STK33: variants seen among roughly 807,000 people sequenced by gnomAD.
STK33 encodes the protein serine/threonine kinase 33.
STK33 carries 52 observed loss-of-function variants against 58.0 expected under a neutral mutation model. That is an observed-to-expected ratio of 0.90 (90% CI 0.72 to 1.13). The LOEUF is 1.13. Among genes scored for constraint, STK33 ranks in the 50% most tolerant of loss-of-function variants. The pLI, the probability that STK33 is intolerant of heterozygous loss-of-function variation, is 0.00. For synonymous variants in STK33, 215 were observed against 200.1 expected (o/e 1.07, Z -0.63); for missense variants, 630 against 604.2 (o/e 1.04, Z -0.45).
intron 1 of STK33, among the ~76,000 whole-genome samples, chr11:8,550,389 C>T (rs1290259558): frequency 6.6e-6 from 1 of 152,104 alleles, no homozygotes; most frequent in Non-Finnish European, 1.5e-5. Context: ...TTGTGATCCA[C>T]CCGCCTCAGC....
At chr11:8,482,703 T>C (rs1201143316) in intron 1 of STK33, among the ~76,000 whole-genome samples, 3 of 151,988 alleles carry the variant, frequency 2.0e-5, no homozygotes, top group Non-Finnish European at 4.4e-5. Flanking sequence ...GCAGTAACTA[T>C]CTTTTTTATT....
chr11:8,461,805 C>A lies in STK33; in HGVS notation c.558G>T (p.Lys186Asn). ...IHLEQVFETP[K>N]KMYLVMELCE... ...AATGCAGCGCCTAATAGAGGTTTAC[C>A]TTTGGCGTTTCAAATACTTGTTCCA... The change falls in exon 8 of 16, where the codon AAG (lysine) becomes AAT (asparagine). Residue 186 changes from lysine to asparagine, a missense_variant and splice_region_variant. By Grantham distance (94) the Lys-to-Asn change is moderately conservative. Coordinates refer to ENST00000687296, the MANE Select transcript of STK33 (RefSeq NM_001352389.2). 6.4e-7 allele frequency: 1 copy of A among 1,574,260 alleles called. No homozygotes were observed. The highest frequency in any genetic ancestry group is 8.6e-7 in the Non-Finnish European group (1 of 1,164,092).
the STK33 span, among the ~76,000 whole-genome samples, chr11:8,373,213 C>G: frequency 2.6e-5 from 4 of 151,910 alleles, no homozygotes; most frequent in Non-Finnish European, 4.4e-5. Context: ...CCTCTGAAGG[C>G]TTAAGCTCAG....
At chr11:8,357,242 C>T in the STK33 span, among the ~76,000 whole-genome samples, 1 of 152,230 alleles carries the variant, frequency 6.6e-6, no homozygotes, top group African/African-American at 2.4e-5. Flanking sequence ...ATTAGCAGCG[C>T]GCGGCGCGAT....
At chr11:8,562,418 C>T (rs1278593596) in intron 1 of STK33, among the ~76,000 whole-genome samples, 1 of 152,120 alleles carries the variant, frequency 6.6e-6, no homozygotes, top group African/African-American at 2.4e-5. Flanking sequence ...CAGGTTTTCC[C>T]ATGGCGTGTC....
At chr11:8,515,383 A>C (rs942499795) in intron 1 of STK33, among the ~76,000 whole-genome samples, 1 of 152,284 alleles carries the variant, frequency 6.6e-6, no homozygotes, top group South Asian at 2.1e-4. Flanking sequence ...GTCTAAACAG[A>C]TCTATAACTA....
chr11:8,412,367 A>G (rs1271849848), intron 15 of STK33, among the ~76,000 whole-genome samples: 1 of 152,272 alleles, frequency 6.6e-6, no homozygotes, highest in Admixed American at 6.5e-5. Context: ...GCTTATGTCT[A>G]CATTATGGTA....
chr11:8,581,983 A>T (rs1464343108), intron 1 of STK33, among the ~76,000 whole-genome samples: 4 of 152,222 alleles, frequency 2.6e-5, no homozygotes, highest in Admixed American at 2.6e-4. Context: ...TTATTAAGTG[A>T]GTCTGAAAAC....
chr11:8,577,277 G>A (rs1447503569), intron 1 of STK33, among the ~76,000 whole-genome samples: 1 of 152,202 alleles, frequency 6.6e-6, no homozygotes, highest in Middle Eastern at 3.4e-3. Flanking sequence ...ACTTTAGACT[G>A]TACTCCAGAG....
chr11:8,335,145 C>T, the STK33 span, among the ~76,000 whole-genome samples: 1 of 152,222 alleles, frequency 6.6e-6, no homozygotes, highest in Non-Finnish European at 1.5e-5. Context: ...GCCTGCAAAT[C>T]GCAGAGAGGC....
chr11:8,525,817 T>C (rs1227247553), intron 1 of STK33, among the ~76,000 whole-genome samples: 1 of 152,180 alleles, frequency 6.6e-6, no homozygotes, highest in Non-Finnish European at 1.5e-5. Context: ...AGAGCTTATA[T>C]TTAGAATGTA....
chr11:8,591,941 C>G (rs1163729288), intron 1 of STK33, among the ~76,000 whole-genome samples: 40 of 151,872 alleles, frequency 2.6e-4, no homozygotes, highest in Admixed American at 2.6e-3. Flanking sequence ...ACATATGGAA[C>G]TAACCTGCAT....
At chr11:8,505,995 C>T (rs971962208) in intron 1 of STK33, among the ~76,000 whole-genome samples, 1 of 152,156 alleles carries the variant, frequency 6.6e-6, no homozygotes, top group African/African-American at 2.4e-5. Flanking sequence ...GATTTATGAA[C>T]ATAAAGCTTT....
chr11:8,351,481 A>G, the STK33 span, among the ~76,000 whole-genome samples: 1 of 152,130 alleles, frequency 6.6e-6, no homozygotes, highest in African/African-American at 2.4e-5. Context: ...GGGGCTCTGC[A>G]TGGTTCTGGC....
chr11:8,518,826 C>A (rs897112745), intron 1 of STK33, among the ~76,000 whole-genome samples: 1 of 152,116 alleles, frequency 6.6e-6, no homozygotes, highest in Non-Finnish European at 1.5e-5. Flanking sequence ...TACAGGAGCA[C>A]CCAGATTCAT....
At chr11:8,340,430 A>G in the STK33 span, among the ~76,000 whole-genome samples, 3 of 152,248 alleles carry the variant, frequency 2.0e-5, no homozygotes, top group South Asian at 6.2e-4. Context: ...AATATTGTTC[A>G]CATAAGTGAA....
Position 8,455,810 on chromosome 11 carries a change from CAAAAAAAAAAAA to C in STK33, c.698-990_698-979del, listed in dbSNP as rs1156835375. Among the ~76,000 whole-genome samples the C allele has an allele frequency of 1.1e-4, 5 of 47,118 alleles. No individual in the cohort carries two copies. The Admixed American group carries it at 1.2e-3, about 11-fold the overall frequency. 30.9% of individuals were successfully genotyped at this position (47,118 alleles called of 152,430 possible). On this transcript the variant is annotated intron_variant, in intron 9 of 15. Transcript: ENST00000687296. The stretch of plus-strand genomic sequence containing the variant: ...TGGGTAACAGAGAGAGACTCTGTCT[CAAAAAAAAAAAA>C]AAAAAAAAAAAAAAGTTACACACAT...
chr11:8,428,472 G>T (rs1943036850), intron 14 of STK33, among the ~76,000 whole-genome samples: 1 of 152,092 alleles, frequency 6.6e-6, no homozygotes, highest in African/African-American at 2.4e-5. Context: ...CTGAATCCTG[G>T]TATCATGAGG....
At position 8,478,494 on chromosome 11, in the gene STK33, A is replaced by G. The variant is rs192331861; in HGVS notation, c.-260-1211T>C. Among the ~76,000 whole-genome samples, 285 of 152,322 alleles carry G rather than the reference A, an allele frequency of 1.9e-3. 1 individual carries two copies. The highest frequency in any genetic ancestry group is 6.4e-3 in the African/African-American group (267 of 41,580). ...TTTATTTTTAGAACTAAGGCAAGTC[A>G]ATAAAACAATTCTGATAATGAAAAT... On this transcript the variant is annotated intron_variant, in intron 2 of 15. Coordinates refer to ENST00000687296, the MANE Select transcript of STK33 (RefSeq NM_001352389.2).
Sources: allele counts gnomAD v4.1 joint callset (sites outside exome capture counted in the v4.1 genomes callset), GRCh38; gene constraint gnomAD v4.1.1; transcripts MANE v1.5; gene names NCBI Gene and HGNC (gene_info 2026-07-23, HGNC 2026-07-21).